The following PCSK1 variants were observed in gnomAD, a reference collection of about 807,000 sequenced individuals.
PCSK1 encodes neuroendocrine convertase 1.
In PCSK1, 56 loss-of-function variants were observed where a neutral mutation model predicts 90.6. The observed-to-expected ratio is 0.62, with a 90% CI of 0.50 to 0.77. The LOEUF (loss-of-function observed/expected upper bound fraction) is 0.77, where lower values mean the gene tolerates loss of function less well. Among genes scored for constraint, PCSK1 ranks in the 30% least tolerant of loss-of-function variants. The probability of loss-of-function intolerance (pLI) is 0.00; values close to 1 mark genes in which losing one functional copy is unlikely to be tolerated. For synonymous variants in PCSK1, 348 were observed against 342.4 expected, an observed-to-expected ratio of 1.02 and a Z score of -0.18; for missense variants, 801 against 932.6, an observed-to-expected ratio of 0.86 and a Z score of 1.84.
At chr5:96,425,058 A>C (rs1384642014) in intron 3 of PCSK1, among the ~76,000 whole-genome samples, 1 of 131,700 alleles carries the variant, frequency 7.6e-6, no homozygotes, top group Non-Finnish European at 1.7e-5. Context: ...GAAAGAAAGA[A>C]AGAAAGAAAG....
intron 1 of PCSK1, among the ~76,000 whole-genome samples, chr5:96,430,801 ATAAATATAGATGGTTTT>A (rs1761467370): frequency 6.6e-6 from 1 of 152,204 alleles, no homozygotes; most frequent in South Asian, 2.1e-4. Context: ...TAAATCATAT[ATAAATATAGATGGTTTT>A]CCCCCACTAT....
intron 5 of PCSK1, among the ~76,000 whole-genome samples, 166 bp downstream of exon 5, chr5:96,421,714 G>A (rs935632372): frequency 1.3e-5 from 2 of 152,072 alleles, no homozygotes; most frequent in African/African-American, 4.8e-5. Context: ...TATAAAAATA[G>A]AAACTTTGGT....
chr5:96,423,449 C>A lies in PCSK1; in HGVS notation c.407G>T (p.Arg136Met). The part of the protein sequence containing the change: ...WNQQWYLQDT[R>M]MTAALPKLDL... The stretch of plus-strand genomic sequence containing the variant: ...CAGCTTGGGCAGGGCTGCCGTCATC[C>A]TGGTATCTTGCTGGTAAAGAAAAAC... The change falls in exon 4 of 14, where the codon AGG becomes ATG. Residue 136 changes from arginine (R) to methionine (M), a missense_variant. Physicochemically the swap from Arg to Met is moderately conservative, Grantham distance 91. Transcript: ENST00000311106. The A allele has an allele frequency of 6.2e-7, 1 of 1,614,048 alleles. No homozygotes were observed. The highest frequency in any genetic ancestry group is 1.7e-5 in the Admixed American group (1 of 60,012).
At chr5:96,412,221 C>T in intron 7 of PCSK1, 97 bp downstream of exon 7, 1 of 1,076,136 alleles carries the variant, frequency 9.3e-7, no homozygotes, top group East Asian at 2.4e-5. Flanking sequence ...AAGAAATCCA[C>T]AACAATGTTA....
At chr5:96,404,711 G>T (rs916189487) in intron 9 of PCSK1, among the ~76,000 whole-genome samples, 6 of 152,250 alleles carry the variant, frequency 3.9e-5, no homozygotes, top group South Asian at 2.1e-4. Flanking sequence ...TGCAAGGTGT[G>T]GTTGCTGATA....
At position 96,432,854 on chromosome 5, in the gene PCSK1, A is replaced by G. The variant is rs759096182; in HGVS notation, c.180+9T>C. 1 of 1,612,392 alleles carries G rather than the reference A, an allele frequency of 6.2e-7. No individual in the cohort carries two copies. The highest frequency in any genetic ancestry group is 8.5e-7 in the Non-Finnish European group (1 of 1,179,502). On this transcript the variant is annotated intron_variant, in intron 1 of 13. Transcript: ENST00000311106. Reference sequence around the variant, plus strand: ...CCCCAGAAAGTTTCTTGAAAGTGGAAACTCTTACCTGACCCAAAAGGTCAT... The same window carrying G: ...CCCCAGAAAGTTTCTTGAAAGTGGAGACTCTTACCTGACCCAAAAGGTCAT...
intron 6 of PCSK1, 127 bp downstream of exon 6, chr5:96,415,906 C>A: frequency 2.8e-6 from 2 of 702,986 alleles, no homozygotes; most frequent in Non-Finnish European, 5.2e-6. Context: ...AGTCCTGTAG[C>A]AACTTTGGCA....
intron 6 of PCSK1, 130 bp downstream of exon 6, chr5:96,415,903 T>A: frequency 1.4e-6 from 1 of 699,016 alleles, no homozygotes. Flanking sequence ...TCAAGTCCTG[T>A]AGCAACTTTG....
At chr5:96,430,332 A>G (rs1761452594) in intron 1 of PCSK1, among the ~76,000 whole-genome samples, 1 of 152,254 alleles carries the variant, frequency 6.6e-6, no homozygotes, top group Non-Finnish European at 1.5e-5. Context: ...AGAAACAAAC[A>G]GTTGACAACA....
chr5:96,411,119 G>A, intron 7 of PCSK1, 133 bp from the exon 8 acceptor site: 1 of 758,408 alleles, frequency 1.3e-6, no homozygotes, highest in South Asian at 1.5e-5. Flanking sequence ...TTCAATTCCA[G>A]ATCTTTTGGC....
In PCSK1 at chr5:96,408,254, C is replaced by T; in HGVS notation, c.1165G>A (p.Ala389Thr). 1 of 1,614,116 alleles carries T rather than the reference C, an allele frequency of 6.2e-7. No individual in the cohort carries two copies. The highest frequency in any genetic ancestry group is 8.5e-7 in the Non-Finnish European group (1 of 1,179,956). Reference protein sequence around the residue: ...TGTSASAPLAAGIFALALEAN... With the variant: ...TGTSASAPLATGIFALALEAN... ...TCCAGGGCCAGAGCGAAGATGCCAG[C>T]AGCCAGAGGTGCAGAGGCCGAGGTG... is the stretch of plus-strand genomic sequence containing the variant. Residue 389 changes from alanine (A) to threonine (T), a missense_variant, in exon 9 of 14, where the codon GCT becomes ACT. Physicochemically the swap from Ala to Thr is moderately conservative, Grantham distance 58. Transcript: ENST00000311106.
chr5:96,398,027 T>G (rs1760223510), intron 11 of PCSK1, among the ~76,000 whole-genome samples: 1 of 152,178 alleles, frequency 6.6e-6, no homozygotes, highest in Non-Finnish European at 1.5e-5. Context: ...TACCTGTAAA[T>G]TTTTAAGTCC....
At chr5:96,424,024 G>C (rs1229524450) in intron 3 of PCSK1, among the ~76,000 whole-genome samples, 1 of 152,180 alleles carries the variant, frequency 6.6e-6, no homozygotes, top group Non-Finnish European at 1.5e-5. Context: ...GTCTGTGAGA[G>C]GAGATTCAGG....
chr5:96,402,916 T>C (rs1032200071), intron 9 of PCSK1, among the ~76,000 whole-genome samples: 1 of 152,126 alleles, frequency 6.6e-6, no homozygotes, highest in African/African-American at 2.4e-5. Flanking sequence ...GTAAATAGAA[T>C]AGGACATTTT....
rs1759946844 is a variant in PCSK1, at chr5:96,391,633, A to T, written c.*1368T>A. On this transcript the variant is annotated 3_prime_UTR_variant, in exon 14 of 14. Coordinates refer to ENST00000311106, the MANE Select transcript of PCSK1 (RefSeq NM_000439.5). ...TAGGAGTGGGCAAAATCAAATGCCT[A>T]TTGGATACTGCCCAGCAAGGAATCA... The T allele has an allele frequency of 6.6e-6, 1 of 152,218 alleles. No individual in the cohort carries two copies. Among genetic ancestry groups the T allele is most frequent in the South Asian group, 2.1e-4 (1 of 4,826 alleles). 9.4% of individuals were successfully genotyped at this position (152,218 alleles called of 1,614,324 possible).
chr5:96,430,422 C>G lies in PCSK1; in HGVS notation c.181-1105G>C, dbSNP rs140392551. ...ATTTTAAAATAGAGAAGCTTAGGCC[C>G]TGCTCCAAGCCTGAATCTCAGTGAA... On this transcript the variant is annotated intron_variant, in intron 1 of 13. Coordinates refer to ENST00000311106, the MANE Select transcript of PCSK1 (RefSeq NM_000439.5). Among the ~76,000 whole-genome samples the G allele has an allele frequency of 3.2e-3, 490 of 152,278 alleles. 1 individual carries two copies. The highest frequency in any genetic ancestry group is 0.011 in the African/African-American group (455 of 41,548).
chr5:96,426,698 G>A (rs144311824), intron 2 of PCSK1, among the ~76,000 whole-genome samples: 6 of 152,076 alleles, frequency 3.9e-5, no homozygotes, highest in African/African-American at 1.4e-4. Context: ...ATTTTTCTTG[G>A]CAATATGACT....
chr5:96,432,038 G>A (rs764822114), intron 1 of PCSK1: 1 of 1,378,496 alleles, frequency 7.3e-7, no homozygotes, highest in Admixed American at 2.0e-5. Flanking sequence ...CCTTCACTTG[G>A]ACAGGCAACA....
intron 2 of PCSK1, among the ~76,000 whole-genome samples, chr5:96,428,954 TTAGA>T (rs981253116): frequency 2.5e-4 from 38 of 152,090 alleles, no homozygotes; most frequent in Non-Finnish European, 1.5e-4. Flanking sequence ...AAAATTAACT[TTAGA>T]TATATATGTA....
Sources: allele counts gnomAD v4.1 joint callset (sites outside exome capture counted in the v4.1 genomes callset), GRCh38; gene constraint gnomAD v4.1.1; transcripts MANE v1.5; gene names NCBI Gene and HGNC (gene_info 2026-07-23, HGNC 2026-07-21).